Variants in ANKRD27 observed in about 807,000 individuals in gnomAD.
The protein encoded by ANKRD27 is ankyrin repeat domain-containing protein 27.
In ANKRD27, 112 loss-of-function variants were observed where a neutral mutation model predicts 129.7. The ratio of observed to expected loss-of-function variants is 0.86; its 90% CI spans 0.74 to 1.01. The LOEUF (loss-of-function observed/expected upper bound fraction) is 1.01, where lower values mean the gene tolerates loss of function less well. Among genes scored for constraint, ANKRD27 ranks in the 50% least tolerant of loss-of-function variants. The probability of loss-of-function intolerance (pLI) is 0.00; values close to 1 mark genes in which losing one functional copy is unlikely to be tolerated. For synonymous variants in ANKRD27, 516 were observed against 511.2 expected, an observed-to-expected ratio of 1.01 and a Z score of -0.13; for missense variants, 1,258 against 1,300.5, an observed-to-expected ratio of 0.97 and a Z score of 0.50.
chr19:32,633,312 C>A (rs137899378), intron 12 of ANKRD27, among the ~76,000 whole-genome samples: 192 of 146,920 alleles, frequency 1.3e-3, no homozygotes, highest in African/African-American at 4.4e-3. Flanking sequence ...GGTACAGGTT[C>A]TTTCTTGTTT....
chr19:32,659,145 T>C (rs910417833), intron 1 of ANKRD27, 100 bp from the exon 2 acceptor site: 7 of 627,776 alleles, frequency 1.1e-5, no homozygotes, highest in Admixed American at 5.6e-5. Flanking sequence ...TTTTCTTTTT[T>C]TTTTTTTTTT....
intron 14 of ANKRD27, 130 bp downstream of exon 14, chr19:32,628,592 G>T: frequency 8.3e-7 from 1 of 1,205,250 alleles, no homozygotes; most frequent in Non-Finnish European, 1.2e-6. Flanking sequence ...CATCTCCACT[G>T]TACAGCAGAG....
intron 23 of ANKRD27, among the ~76,000 whole-genome samples, chr19:32,607,258 T>C (rs1410578884): frequency 1.3e-5 from 2 of 152,030 alleles, no homozygotes; most frequent in African/African-American, 2.4e-5. Context: ...CTGTTCTTTA[T>C]GAAGTGCTGA....
intron 1 of ANKRD27, among the ~76,000 whole-genome samples, chr19:32,669,800 C>T (rs1967831167): frequency 6.6e-6 from 1 of 152,004 alleles, no homozygotes; most frequent in Non-Finnish European, 1.5e-5. Flanking sequence ...AGTTCAAGAC[C>T]ACCCTGGCCA....
Position 32,619,079 on chromosome 19 carries a change from C to A in ANKRD27, c.2007+181G>T, listed in dbSNP as rs536320352. Among the ~76,000 whole-genome samples, 6 of 152,274 alleles carry A rather than the reference C, an allele frequency of 3.9e-5. No individual in the cohort carries two copies. In the South Asian group the frequency reaches 1.2e-3, roughly 32 times the overall value. ...GGGCACACCAAAATATACAGCACCGCGAGATGCTGCTGGGCCCAGCTTGAA... is the reference window on the plus strand; with the variant it reads ...GGGCACACCAAAATATACAGCACCGAGAGATGCTGCTGGGCCCAGCTTGAA... On this transcript the variant is annotated intron_variant, in intron 20 of 28. Coordinates refer to ENST00000306065, the MANE Select transcript of ANKRD27 (RefSeq NM_032139.3).
At chr19:32,669,995 CA>C (rs11361912) in intron 1 of ANKRD27, among the ~76,000 whole-genome samples, 18,364 of 76,274 alleles carry the variant, frequency 0.24, 2,234 homozygotes, top group African/African-American at 0.45. Context: ...GATCCCGTCA[CA>C]AAAAAAAAAA....
intron 1 of ANKRD27, among the ~76,000 whole-genome samples, chr19:32,671,579 C>T (rs1279524489): frequency 6.6e-6 from 1 of 152,092 alleles, no homozygotes; most frequent in African/African-American, 2.4e-5. Context: ...CCTATAATCC[C>T]AGCTACTTGG....
chr19:32,657,512 G>A (rs900451618), intron 2 of ANKRD27, among the ~76,000 whole-genome samples: 3 of 149,258 alleles, frequency 2.0e-5, no homozygotes, highest in African/African-American at 7.4e-5. Context: ...CTGTAATCCC[G>A]GCTACTCAGG....
rs1221171945 is a variant in ANKRD27, at chr19:32,646,570, C to A, written c.259G>T (p.Ala87Ser). 2.5e-6 allele frequency: 4 copies of A among 1,613,890 alleles called. No homozygotes were observed. Among genetic ancestry groups the A allele is most frequent in the Non-Finnish European group, 3.4e-6 (4 of 1,180,006 alleles). The change falls in exon 4 of 29, where the codon GCC becomes TCC. Residue 87 changes from alanine to serine, a missense_variant. Ala to Ser is a moderately conservative substitution (Grantham distance 99). Transcript: ENST00000306065. Reference sequence around the variant, plus strand: ...AGAATGGGCACTGAGAGAAGACAGGCAAAACCAGCTCCTAATTTAATCCTG... The same window carrying A: ...AGAATGGGCACTGAGAGAAGACAGGAAAAACCAGCTCCTAATTTAATCCTG... ...GNRIKLGAGFACLLSVPILFE... is the reference protein window; with the variant it reads ...GNRIKLGAGFSCLLSVPILFE...
intron 1 of ANKRD27, among the ~76,000 whole-genome samples, chr19:32,674,571 A>C (rs1599784208): frequency 6.6e-6 from 1 of 151,102 alleles, no homozygotes; most frequent in African/African-American, 2.4e-5. Context: ...GAATGCAGAG[A>C]CCCCCCCGCC....
chr19:32,627,379 TTTA>T (rs1474773339), intron 15 of ANKRD27, among the ~76,000 whole-genome samples: 12 of 48,738 alleles, frequency 2.5e-4, no homozygotes, highest in Non-Finnish European at 4.2e-4. Flanking sequence ...TATTTATTTA[TTTA>T]TTTATTTATT....
In ANKRD27 at chr19:32,628,619, G is replaced by A; in HGVS notation, c.1337+103C>T. 1.3e-5 allele frequency: 19 copies of A among 1,444,244 alleles called. 1 individual carries two copies. The highest frequency in any genetic ancestry group is 2.5e-5 in the South Asian group (2 of 78,744). The allele number at this position is 1,444,244 out of a possible 1,614,324, so 89.5% of individuals were successfully genotyped here. On this transcript the variant is annotated intron_variant, in intron 14 of 28. Transcript: ENST00000306065. ...ACAGCAGAGGCAGCTGGGGGGCAGGGAGGACAGTCCTTATCTGCAGTCACA... is the reference window on the plus strand; with the variant it reads ...ACAGCAGAGGCAGCTGGGGGGCAGGAAGGACAGTCCTTATCTGCAGTCACA...
At position 32,643,350 on chromosome 19, in the gene ANKRD27, T is replaced by C; in HGVS notation, c.642A>G (p.Ile214Met). The C allele has an allele frequency of 2.5e-6, 4 of 1,613,958 alleles. No individual in the cohort carries two copies. Among genetic ancestry groups the C allele is most frequent in the South Asian group, 1.1e-5 (1 of 91,080 alleles). ...GGTTGTAAATTTCATGATGGACGTA[T>C]ATCTGTGGAATCAACAGACCCCATT... ...QMNLMKQAVE[I>M]YVHHEIYNLI... The change falls in exon 8 of 29, where the codon ATA becomes ATG. Residue 214 changes from isoleucine (I) to methionine (M), a missense_variant and splice_region_variant. Coordinates refer to ENST00000306065, the MANE Select transcript of ANKRD27 (RefSeq NM_032139.3).
rs149558100 is a variant in ANKRD27, at chr19:32,598,252, T to G, written c.3046A>C (p.Arg1016=). The G allele has an allele frequency of 3.4e-5, 55 of 1,614,184 alleles. No homozygotes were observed. In the African/African-American group the frequency reaches 7.2e-4, roughly 21 times the overall value. ...PGLTQTGPGH[R]RMLRRHTVED... ...ACCGTGTGTCTCCGCAGCATCCGTC[T>G]GTGTCCAGGGCCAGTCTGTGTCAGT... Residue 1016 remains arginine (R), a synonymous_variant, in exon 29 of 29, where the codon AGA becomes CGA. Transcript: ENST00000306065.
intron 1 of ANKRD27, among the ~76,000 whole-genome samples, chr19:32,661,015 T>C (rs1967633509): frequency 2.0e-5 from 3 of 151,136 alleles, no homozygotes; most frequent in East Asian, 1.9e-4. Context: ...CCAGGCAACA[T>C]AGCGAGACCC....
intron 28 of ANKRD27, 35 bp from the exon 29 acceptor site, chr19:32,598,413 C>G (rs761812840): frequency 6.2e-7 from 1 of 1,600,718 alleles, no homozygotes; most frequent in Non-Finnish European, 8.6e-7. Flanking sequence ...CGTTGACGTC[C>G]TCACTGTACT....
rs766996842 is a variant in ANKRD27 at position 32,600,879 on chromosome 19, T to TA, written c.2768-830dup. ...CTGGATAATATTTCATATTGTAAAT[T>TA]AAAAAAAAAAGTAGAACAAGGACCC... On this transcript the variant is annotated intron_variant, in intron 26 of 28. Coordinates refer to ENST00000306065, the MANE Select transcript of ANKRD27 (RefSeq NM_032139.3). 5.5e-4 allele frequency among the ~76,000 whole-genome samples: 82 copies of TA among 148,626 alleles called. 1 individual carries two copies. Among genetic ancestry groups the TA allele is most frequent in the Admixed American group, 1.9e-3 (29 of 14,912 alleles).
intron 18 of ANKRD27, among the ~76,000 whole-genome samples, chr19:32,619,937 C>A: frequency 6.6e-6 from 1 of 152,144 alleles, no homozygotes; most frequent in Non-Finnish European, 1.5e-5. Flanking sequence ...CTAGCACCCA[C>A]AGGTCTCAAG....
At chr19:32,623,635 C>T (rs557084321) in intron 17 of ANKRD27, among the ~76,000 whole-genome samples, 14 of 151,916 alleles carry the variant, frequency 9.2e-5, no homozygotes, top group Admixed American at 9.2e-4. Flanking sequence ...TTGCAACCTC[C>T]GCCTCCTAGT....
Sources: allele counts gnomAD v4.1 joint callset (sites outside exome capture counted in the v4.1 genomes callset), GRCh38; gene constraint gnomAD v4.1.1; transcripts MANE v1.5; gene names NCBI Gene and HGNC (gene_info 2026-07-23, HGNC 2026-07-21).